The following DDX60 variants were observed in gnomAD, a reference collection of about 807,000 sequenced individuals.
The protein encoded by DDX60 is probable ATP-dependent RNA helicase DDX60.
A neutral mutation model predicts 212.8 loss-of-function variants in DDX60; 165 were observed. The observed-to-expected ratio is 0.78, with a 90% confidence interval of 0.68 to 0.88. DDX60 has a LOEUF of 0.88. DDX60 is among the 40% of genes least tolerant of loss of function. The pLI is 0.00. For synonymous variants in DDX60, 703 were observed against 685.3 expected (o/e 1.03, Z -0.40); for missense variants, 1,905 against 2,003.9 (o/e 0.95, Z 0.94).
intron 31 of DDX60, 64 bp from the exon 32 acceptor site, chr4:168,237,491 G>T: frequency 6.9e-7 from 1 of 1,448,576 alleles, no homozygotes; most frequent in Non-Finnish European, 9.2e-7. Context: ...AACTTATTAA[G>T]TACCAGTTTA....
intron 12 of DDX60, 24 bp from the exon 13 acceptor site, chr4:168,283,630 G>A (rs1347332216): frequency 1.3e-6 from 2 of 1,562,954 alleles, no homozygotes; most frequent in South Asian, 2.4e-5. Context: ...GACTTAAAAT[G>A]TAACTTTATT....
At chr4:168,272,167 C>T (rs369538878) in intron 18 of DDX60, 29 bp from the exon 19 acceptor site, 14 of 1,517,488 alleles carry the variant, frequency 9.2e-6, no homozygotes, top group Middle Eastern at 1.7e-4. Context: ...TGTGAAGTAA[C>T]ATTTTGAGCA....
At chr4:168,261,441 C>CA (rs927717734) in intron 24 of DDX60, among the ~76,000 whole-genome samples, 7 of 150,928 alleles carry the variant, frequency 4.6e-5, no homozygotes, top group South Asian at 2.1e-4. Flanking sequence ...GGTATTACAA[C>CA]AAAAAAAAAT....
At chr4:168,308,652 T>C (rs1041202514) in intron 3 of DDX60, among the ~76,000 whole-genome samples, 1 of 148,988 alleles carries the variant, frequency 6.7e-6, no homozygotes, top group Non-Finnish European at 1.5e-5. Flanking sequence ...GTGTACATAG[T>C]TCTATATACT....
chr4:168,237,046 G>A (rs55867015), intron 32 of DDX60, among the ~76,000 whole-genome samples: 4,047 of 151,600 alleles, frequency 0.027, 149 homozygotes, highest in African/African-American at 0.089. Flanking sequence ...TGGAGGCAAG[G>A]AATCACTGAA....
In DDX60 at chr4:168,217,024, A is replaced by G. The variant is rs754458944; in HGVS notation, c.5048T>C (p.Leu1683Ser). ...ALTIKSISVS[L>S]RELCENEDDN... The stretch of plus-strand genomic sequence containing the variant: ...GTCTTCATTTTCACATAGCTCACGC[A>G]AGGAAACACTGGAAATGGGGAAAAA... Residue 1683 changes from leucine to serine, a missense_variant, in exon 38 of 38, where the codon TTG becomes TCG. Coordinates refer to ENST00000393743, the MANE Select transcript of DDX60 (RefSeq NM_017631.6). 3 of 1,604,478 alleles carry G rather than the reference A, an allele frequency of 1.9e-6. No homozygotes were observed. The highest frequency in any genetic ancestry group is 2.5e-6 in the Non-Finnish European group (3 of 1,176,544).
At chr4:168,293,564 C>A (rs1038211213) in intron 7 of DDX60, among the ~76,000 whole-genome samples, 1 of 152,082 alleles carries the variant, frequency 6.6e-6, no homozygotes, top group African/African-American at 2.4e-5. Flanking sequence ...ATGATTTAGA[C>A]TAAATATATA....
upstream of DDX60, among the ~76,000 whole-genome samples, chr4:168,322,965 A>G (rs909525895): frequency 6.6e-6 from 1 of 152,226 alleles, no homozygotes; most frequent in Admixed American, 6.5e-5. Flanking sequence ...AGTGAAATCC[A>G]AAAGTTAAGT....
chr4:168,309,504 G>C (rs1436254279), intron 3 of DDX60, among the ~76,000 whole-genome samples: 4 of 151,554 alleles, frequency 2.6e-5, no homozygotes, highest in Non-Finnish European at 4.4e-5. Flanking sequence ...TTTGTGAAAG[G>C]CTTTTTTTTT....
At chr4:168,255,608 C>A in intron 26 of DDX60, 103 bp downstream of exon 26, 3 of 1,018,124 alleles carry the variant, frequency 2.9e-6, no homozygotes, top group Non-Finnish European at 4.1e-6. Flanking sequence ...GTCCAAGCGA[C>A]AACTAGAACT....
chr4:168,308,121 C>T lies in DDX60; in HGVS notation c.149G>A (p.Cys50Tyr), dbSNP rs1736970070. Residue 50 changes from cysteine to tyrosine, a missense_variant, in exon 4 of 38, where the codon TGT becomes TAT. Cys to Tyr is a radical substitution (Grantham distance 194). Transcript: ENST00000393743. ...AGGCTTAAATGATATCTCACAGATACATGTGATAAGTAATGAATCCCCATC... is the reference window on the plus strand; with the variant it reads ...AGGCTTAAATGATATCTCACAGATATATGTGATAAGTAATGAATCCCCATC... ...LIDGDSLLIT[C>Y]ICEISFKPGQ... 3 of 1,606,640 alleles carry T rather than the reference C, an allele frequency of 1.9e-6. No individual in the cohort carries two copies. The highest frequency in any genetic ancestry group is 2.6e-6 in the Non-Finnish European group (3 of 1,174,990).
chr4:168,216,404 T>C lies in DDX60; in HGVS notation c.*529A>G, dbSNP rs925778503. Reference sequence around the variant, plus strand: ...TTGTTAAATCATCACAAAATGTATGTTTAAAAAGTAGTTTAAGTTTACTAG... The same window carrying C: ...TTGTTAAATCATCACAAAATGTATGCTTAAAAAGTAGTTTAAGTTTACTAG... On this transcript the variant is annotated 3_prime_UTR_variant, in exon 38 of 38. Transcript: ENST00000393743. 2 of 152,230 alleles carry C rather than the reference T, an allele frequency of 1.3e-5. No individual in the cohort carries two copies. Among genetic ancestry groups the C allele is most frequent in the Admixed American group, 6.5e-5 (1 of 15,272 alleles). The allele number at this position is 152,230 out of a possible 1,614,324, so 9.4% of individuals were successfully genotyped here. A position where few individuals can be genotyped will look rare whatever the true frequency, so the allele number is the denominator to read the frequency against.
At chr4:168,318,200 G>C (rs1056355307) in intron 1 of DDX60, among the ~76,000 whole-genome samples, 2 of 152,232 alleles carry the variant, frequency 1.3e-5, no homozygotes, top group Non-Finnish European at 2.9e-5. Context: ...AATAAACGCA[G>C]ATTCTGATTC....
Position 168,225,510 on chromosome 4 carries a change from G to A in DDX60, c.4681+19C>T, listed in dbSNP as rs780049455. 41 of 1,582,836 alleles carry A rather than the reference G, an allele frequency of 2.6e-5. No homozygotes were observed. The highest frequency in any genetic ancestry group is 3.3e-5 in the Non-Finnish European group (39 of 1,165,672). ...TTTATTCTTCAAATTGTTCCACAAT[G>A]GAGGTAAAATATACTTACTGATTTT... On this transcript the variant is annotated intron_variant, in intron 34 of 37. Transcript: ENST00000393743.
At chr4:168,238,301 TG>T (rs753063225) in intron 30 of DDX60, among the ~76,000 whole-genome samples, 8 of 142,184 alleles carry the variant, frequency 5.6e-5, no homozygotes, top group Admixed American at 1.4e-4. Context: ...TCTTTAGGCC[TG>T]AGGGTTTATA....
rs1431240235 is a variant in DDX60 at position 168,285,421 on chromosome 4, T to C, written c.1417A>G (p.Ile473Val). 7 of 1,611,244 alleles carry C rather than the reference T, an allele frequency of 4.3e-6. No individual in the cohort carries two copies. Among genetic ancestry groups the C allele is most frequent in the Non-Finnish European group, 5.9e-6 (7 of 1,179,146 alleles). Residue 473 changes from isoleucine to valine, a missense_variant, in exon 11 of 38, where the codon ATT becomes GTT. Ile to Val is a conservative substitution (Grantham distance 29). Transcript: ENST00000393743. ...TTTAGAAAAGGCAAATCTTTCAAAA[T>C]ATCTCCAGCAAATTTATCAACCACA... ...SFVVDKFAGD[I>V]LKDLPFLKSD...
intron 3 of DDX60, among the ~76,000 whole-genome samples, chr4:168,308,632 A>G (rs1198947858): frequency 1.3e-5 from 2 of 150,028 alleles, no homozygotes; most frequent in Non-Finnish European, 3.0e-5. Flanking sequence ...ATATATACAT[A>G]TATATAATAG....
intron 34 of DDX60, 145 bp from the exon 35 acceptor site, chr4:168,224,530 A>T: frequency 2.7e-6 from 2 of 728,326 alleles, no homozygotes; most frequent in Non-Finnish European, 4.5e-6. Flanking sequence ...TATATCGCAT[A>T]AGGTTAGTAG....
rs148534753 is a variant in DDX60 at position 168,251,464 on chromosome 4, A to G, written c.3706-358T>C. Among the ~76,000 whole-genome samples the G allele has an allele frequency of 7.1e-4, 108 of 152,342 alleles. 1 individual carries two copies. Among genetic ancestry groups the G allele is most frequent in the African/African-American group, 2.5e-3 (105 of 41,576 alleles). On this transcript the variant is annotated intron_variant, in intron 27 of 37. Transcript: ENST00000393743. ...CCCCAACAGGGAGAATTCTCCAAGA[A>G]GGCAGAGGAGGTTCCTTACCCTATG...
Sources: allele counts gnomAD v4.1 joint callset (sites outside exome capture counted in the v4.1 genomes callset), GRCh38; gene constraint gnomAD v4.1.1; transcripts MANE v1.5; gene names NCBI Gene and HGNC (gene_info 2026-07-23, HGNC 2026-07-21).